USP53: variants seen among roughly 807,000 people sequenced by gnomAD.
USP53 encodes ubiquitin carboxyl-terminal hydrolase 53.
A neutral mutation model predicts 94.9 loss-of-function variants in USP53; 71 were observed. The observed-to-expected ratio is 0.75, with a 90% CI of 0.62 to 0.91. USP53 has a LOEUF of 0.91. Among genes scored for constraint, USP53 ranks in the 40% least tolerant of loss-of-function variants. The pLI, the probability that USP53 is intolerant of heterozygous loss-of-function variation, is 0.00. For missense variants in USP53, 1,173 were observed against 1,281.0 expected (o/e 0.92, Z 1.29); for synonymous variants, 375 against 422.7 (o/e 0.89, Z 1.39).
At chr4:119,259,023 G>A (rs2149381314) in intron 9 of USP53, among the ~76,000 whole-genome samples, 1 of 152,314 alleles carries the variant, frequency 6.6e-6, no homozygotes, top group Admixed American at 6.5e-5. Flanking sequence ...GCTCACGCCT[G>A]TAATCCCAGC....
Position 119,271,672 on chromosome 4 carries a change from G to A in USP53, c.1812G>A (p.Gln604=). The change falls in exon 16 of 19, where the codon CAG becomes CAA. Residue 604 remains glutamine (Q), a synonymous_variant. Transcript: ENST00000692078. ...DSIFSESEKR[Q]HSPRHKPNIS... is the part of the protein sequence containing the mutation. The stretch of plus-strand genomic sequence containing the variant: ...TTTTTAGTGAAAGTGAAAAAAGACA[G>A]CATAGTCCAAGACATAAACCAAATA... The A allele has an allele frequency of 6.2e-7, 1 of 1,613,936 alleles. No homozygotes were observed. Among genetic ancestry groups the A allele is most frequent in the Non-Finnish European group, 8.5e-7 (1 of 1,179,998 alleles).
At chr4:119,286,620 T>A (rs1754146279) in intron 17 of USP53, among the ~76,000 whole-genome samples, 1 of 152,058 alleles carries the variant, frequency 6.6e-6, no homozygotes, top group Non-Finnish European at 1.5e-5. Flanking sequence ...TTTATAAAAG[T>A]AAAGAATTAC....
chr4:119,264,036 G>C (rs553971799), intron 12 of USP53, among the ~76,000 whole-genome samples: 1 of 152,326 alleles, frequency 6.6e-6, no homozygotes, highest in East Asian at 1.9e-4. Context: ...CTGCACTTCA[G>C]CCTGGTGACA....
chr4:119,255,142 C>T (rs888920906), intron 7 of USP53, among the ~76,000 whole-genome samples: 12 of 152,134 alleles, frequency 7.9e-5, no homozygotes, highest in Non-Finnish European at 1.8e-4. Context: ...GTCTGTTGGC[C>T]CCTAATGGGA....
chr4:119,233,075 A>C (rs1369681831), intron 3 of USP53, among the ~76,000 whole-genome samples: 2 of 150,982 alleles, frequency 1.3e-5, no homozygotes, highest in African/African-American at 4.9e-5. Flanking sequence ...GTTCCTTTTT[A>C]GTTATTGCCA....
chr4:119,266,500 A>G (rs1256921049), intron 12 of USP53, among the ~76,000 whole-genome samples: 2 of 152,170 alleles, frequency 1.3e-5, no homozygotes, highest in Non-Finnish European at 2.9e-5. Context: ...GTGTATGTAT[A>G]ATATTATCTC....
intron 4 of USP53, among the ~76,000 whole-genome samples, chr4:119,237,225 G>C (rs540122401): frequency 6.6e-6 from 1 of 152,270 alleles, no homozygotes; most frequent in East Asian, 1.9e-4. Context: ...CTGTCATCCA[G>C]GCTTTGTTGT....
At chr4:119,266,158 G>T in intron 12 of USP53, 1 of 413,606 alleles carries the variant, frequency 2.4e-6, no homozygotes, top group Admixed American at 2.6e-5. Context: ...CCTTCCTTTA[G>T]CATAATGTCT....
chr4:119,241,330 T>C (rs1747503646), intron 5 of USP53, among the ~76,000 whole-genome samples: 1 of 152,162 alleles, frequency 6.6e-6, no homozygotes, highest in African/African-American at 2.4e-5. Flanking sequence ...CTGGTGCTCA[T>C]CACTTTTTTG....
At chr4:119,216,676 G>T (rs1326704651) in intron 2 of USP53, among the ~76,000 whole-genome samples, 1 of 152,068 alleles carries the variant, frequency 6.6e-6, no homozygotes, top group African/African-American at 2.4e-5. Context: ...CTTAAACTAG[G>T]ATAGCTCCGT....
chr4:119,288,665 G>A (rs552154849), intron 17 of USP53, among the ~76,000 whole-genome samples: 6 of 152,160 alleles, frequency 3.9e-5, no homozygotes, highest in South Asian at 2.1e-4. Flanking sequence ...AGCCGGGCAC[G>A]GTGGCTGACA....
intron 7 of USP53, among the ~76,000 whole-genome samples, chr4:119,250,490 A>T (rs1748829670): frequency 1.3e-5 from 2 of 152,240 alleles, no homozygotes; most frequent in African/African-American, 4.8e-5. Flanking sequence ...AATGGCACAC[A>T]CAGTAATGAA....
chr4:119,245,274 TC>T, intron 5 of USP53, 62 bp from the exon 6 acceptor site: 2 of 1,495,214 alleles, frequency 1.3e-6, no homozygotes, highest in Non-Finnish European at 9.3e-7. Flanking sequence ...TCTAAATCTG[TC>T]TTTTGTTACA....
At chr4:119,248,713 G>A in intron 6 of USP53, 35 bp from the exon 7 acceptor site, 3 of 1,599,512 alleles carry the variant, frequency 1.9e-6, no homozygotes, top group Non-Finnish European at 2.6e-6. Flanking sequence ...GTTAAAGCTG[G>A]CATTAAACTT....
chr4:119,274,715 A>G (rs1752366138), intron 17 of USP53, among the ~76,000 whole-genome samples: 1 of 140,388 alleles, frequency 7.1e-6, no homozygotes, highest in Non-Finnish European at 1.6e-5. Context: ...TCCCACCAAC[A>G]GTGTAAAAGT....
chr4:119,274,359 G>A (rs1369726372), intron 17 of USP53, among the ~76,000 whole-genome samples: 1 of 150,382 alleles, frequency 6.6e-6, no homozygotes, highest in Non-Finnish European at 1.5e-5. Context: ...TTGGTTTTCT[G>A]TTCTTGAGAT....
intron 7 of USP53, among the ~76,000 whole-genome samples, chr4:119,254,167 A>T (rs1293466205): frequency 6.6e-6 from 1 of 152,028 alleles, no homozygotes; most frequent in African/African-American, 2.4e-5. Flanking sequence ...CCTGCATTTC[A>T]ATCTTGGTGA....
At chr4:119,213,930 A>G (rs548863053) in intron 1 of USP53, 140 bp from the exon 2 acceptor site, 1 of 151,658 alleles carries the variant, frequency 6.6e-6, no homozygotes, top group African/African-American at 2.4e-5. Context: ...TGTGATTAAG[A>G]TCTGATTCAC....
At chr4:119,257,910 T>C (rs1749985905) in intron 9 of USP53, among the ~76,000 whole-genome samples, 1 of 152,206 alleles carries the variant, frequency 6.6e-6, no homozygotes, top group African/African-American at 2.4e-5. Flanking sequence ...TTGAATGAAA[T>C]GACAGTGTTC....
Sources: gnomAD v4.1 joint callset for allele counts (sites outside exome capture counted in the v4.1 genomes callset) on GRCh38, gnomAD v4.1.1 for gene constraint, MANE v1.5 for transcripts, NCBI Gene and HGNC (gene_info 2026-07-23, HGNC 2026-07-21) for gene names.